Variants in KCNQ1 observed in about 807,000 individuals in gnomAD.
KCNQ1 encodes potassium voltage-gated channel subfamily Q member 1, also known as potassium voltage-gated channel subfamily KQT member 1.
In KCNQ1, 49 loss-of-function variants were observed where a neutral mutation model predicts 72.4. That is an observed-to-expected ratio of 0.68 (90% CI 0.54 to 0.86). The LOEUF is 0.86. Ranked by LOEUF, KCNQ1 falls within the 40% of genes least tolerant of loss-of-function variation. KCNQ1 has a pLI of 0.00. For synonymous variants in KCNQ1, 450 were observed against 412.6 expected (o/e 1.09, Z -1.10); for missense variants, 790 against 945.1 (o/e 0.84, Z 2.15).
At chr11:2,610,553 G>A in intron 10 of KCNQ1, 1 of 398,222 alleles carries the variant, frequency 2.5e-6, no homozygotes, top group Non-Finnish European at 4.4e-6. Context: ...TTGGATATAT[G>A]TGAACTTCCT....
Position 2,603,209 on chromosome 11 carries a change from G to A in KCNQ1, c.1393+14355G>A, listed in dbSNP as rs1021983895. On this transcript the variant is annotated intron_variant, in intron 10 of 15. Coordinates refer to ENST00000155840, the MANE Select transcript of KCNQ1 (RefSeq NM_000218.3). The surrounding 1 kb of genome is among the most constrained non-coding windows in gnomAD (Gnocchi z 4.1). ...GTTTGCCACTGCATATAAAAGTTAT[G>A]TTTATATTGTAGTCTATTAAGTGTG... Among the ~76,000 whole-genome samples, 4 of 152,154 alleles carry A rather than the reference G, an allele frequency of 2.6e-5. No homozygotes were observed. The highest frequency in any genetic ancestry group is 5.9e-5 in the Non-Finnish European group (4 of 68,026).
In KCNQ1 at chr11:2,783,942, GCTGT is replaced by G. The variant is rs992015202; in HGVS notation, c.1794+5908_1794+5911del. Among the ~76,000 whole-genome samples, 1 of 151,882 alleles carries G rather than the reference GCTGT, an allele frequency of 6.6e-6. No homozygotes were observed. Among genetic ancestry groups the G allele is most frequent in the Non-Finnish European group, 1.5e-5 (1 of 67,862 alleles). ...TGCAAATATTTTCTCCCATTCTGTG[GCTGT>G]CTTTTCATTTCCTTAATCACATCTT... On this transcript the variant is annotated intron_variant, in intron 15 of 15. Coordinates refer to ENST00000155840, the MANE Select transcript of KCNQ1 (RefSeq NM_000218.3). The surrounding 1 kb of genome is among the most constrained non-coding windows in gnomAD (Gnocchi z 5.2).
chr11:2,648,465 T>C (rs759417391), intron 10 of KCNQ1: 2 of 398,534 alleles, frequency 5.0e-6, no homozygotes, highest in Non-Finnish European at 8.8e-6. Context: ...TTTTGTATGC[T>C]GTGTTTCTAT....
chr11:2,790,564 G>A (rs1032678376), intron 15 of KCNQ1, among the ~76,000 whole-genome samples: 4 of 152,152 alleles, frequency 2.6e-5, no homozygotes, highest in African/African-American at 9.7e-5. Flanking sequence ...CAGGGCAAAA[G>A]CCTGACCTCC....
At position 2,579,329 on chromosome 11, in the gene KCNQ1, G is replaced by A. The variant is rs1344739448; in HGVS notation, c.922-4106G>A. ...TGAAGGCACAGGCCAGCAGGAGGGC[G>A]GGGGAAACACACTGACCAGTGGGGT... On this transcript the variant is annotated intron_variant, in intron 6 of 15. Transcript: ENST00000155840. The surrounding 1 kb of genome is among the most constrained non-coding windows in gnomAD (Gnocchi z 6.0). 3.3e-5 allele frequency among the ~76,000 whole-genome samples: 5 copies of A among 152,246 alleles called. No individual in the cohort carries two copies. Among genetic ancestry groups the A allele is most frequent in the African/African-American group, 1.2e-4 (5 of 41,548 alleles).
chr11:2,811,587 G>C (rs1198396308), intron 15 of KCNQ1, among the ~76,000 whole-genome samples: 1 of 152,242 alleles, frequency 6.6e-6, no homozygotes, highest in Non-Finnish European at 1.5e-5. Context: ...CGAGCGTCAG[G>C]GTGGCTGGCA....
At position 2,544,260 on chromosome 11, in the gene KCNQ1, G is replaced by GTATATATA. The variant is rs58881224; in HGVS notation, c.477+16243_477+16244insATATATAT. On this transcript the variant is annotated intron_variant, in intron 2 of 15. Coordinates refer to ENST00000155840, the MANE Select transcript of KCNQ1 (RefSeq NM_000218.3). The surrounding 1 kb of genome is among the most constrained non-coding windows in gnomAD (Gnocchi z 4.4). ...TATGTGTGTGTGTGTATATATATAT[G>GTATATATA]TGTGTGTGTGTATATATATGTGTAT... is the stretch of plus-strand genomic sequence containing the variant. Among the ~76,000 whole-genome samples, 201 of 110,856 alleles carry GTATATATA rather than the reference G, an allele frequency of 1.8e-3. 7 individuals are homozygous for GTATATATA. Among genetic ancestry groups the GTATATATA allele is most frequent in the African/African-American group, 8.8e-3 (185 of 21,064 alleles). 72.7% of individuals were successfully genotyped at this position (110,856 alleles called of 152,430 possible). A position where few individuals can be genotyped will look rare whatever the true frequency, so the allele number is the denominator to read the frequency against.
At position 2,661,732 on chromosome 11, in the gene KCNQ1, A is replaced by G. The variant is rs1265753647; in HGVS notation, c.1394-229A>G. 12 of 618,154 alleles carry G rather than the reference A, an allele frequency of 1.9e-5. No individual in the cohort carries two copies. Among genetic ancestry groups the G allele is most frequent in the East Asian group, 1.1e-4 (4 of 36,586 alleles). 38.3% of individuals were successfully genotyped at this position (618,154 alleles called of 1,614,324 possible). ...CCCAGGCACAGTTACCACTCCGAAG[A>G]TGATTCACTGGCCTTTATTCTCCTC... On this transcript the variant is annotated intron_variant, in intron 10 of 15. Transcript: ENST00000155840. The surrounding 1 kb of genome is among the most constrained non-coding windows in gnomAD (Gnocchi z 5.9).
At position 2,536,189 on chromosome 11, in the gene KCNQ1, G is replaced by A. The variant is rs552069785; in HGVS notation, c.477+8171G>A. 1.2e-4 allele frequency among the ~76,000 whole-genome samples: 19 copies of A among 152,366 alleles called. 1 individual carries two copies. The South Asian group carries it at 3.1e-3, about 25-fold the overall frequency. On this transcript the variant is annotated intron_variant, in intron 2 of 15. Transcript: ENST00000155840. The surrounding 1 kb of genome is among the most constrained non-coding windows in gnomAD (Gnocchi z 7.4). The stretch of plus-strand genomic sequence containing the variant: ...AGCTCAGGCTCAGGGCAGCAGGGGC[G>A]CTCAGCTGGGCCGCGGCTCCACGGT...
intron 11 of KCNQ1, among the ~76,000 whole-genome samples, chr11:2,747,519 A>G (rs1439873810): frequency 6.6e-6 from 1 of 152,090 alleles, no homozygotes; most frequent in East Asian, 1.9e-4. Flanking sequence ...CCACTGATCT[A>G]TTCTTGTTCA....
rs1332124958 is a variant in KCNQ1, at chr11:2,498,196, C to T, written c.387-29732C>T. 1.3e-5 allele frequency among the ~76,000 whole-genome samples: 2 copies of T among 152,214 alleles called. No individual in the cohort carries two copies. The highest frequency in any genetic ancestry group is 2.9e-5 in the Non-Finnish European group (2 of 68,028). On this transcript the variant is annotated intron_variant, in intron 1 of 15. Transcript: ENST00000155840. This position sits in a 1 kb window ranked among gnomAD's most constrained non-coding sequence, Gnocchi z 4.8. The stretch of plus-strand genomic sequence containing the variant: ...AGTCTGTCCCTTAGCAGAGCTCATG[C>T]ACTGTGCTGCGAGAATCCCCCTTGT...
rs34219164 is a variant in KCNQ1 at position 2,674,832 on chromosome 11, T to TAAA, written c.1514+12777_1514+12779dup. On this transcript the variant is annotated intron_variant, in intron 11 of 15. Coordinates refer to ENST00000155840, the MANE Select transcript of KCNQ1 (RefSeq NM_000218.3). This position sits in a 1 kb window ranked among gnomAD's most constrained non-coding sequence, Gnocchi z 5.9. The stretch of plus-strand genomic sequence containing the variant: ...GCTTGTCACCCTAATAGCTGTTTTT[T>TAAA]AAAAAAAAAAAAAAAAAAAAAAAAA... The TAAA allele has an allele frequency of 4.2e-4, 126 of 303,332 alleles. No individual in the cohort carries two copies. Among genetic ancestry groups the TAAA allele is most frequent in the East Asian group, 9.2e-4 (19 of 20,740 alleles). The allele number at this position is 303,332 out of a possible 1,614,324, so 18.8% of individuals were successfully genotyped here. A position where few individuals can be genotyped will look rare whatever the true frequency, so the allele number is the denominator to read the frequency against.
In KCNQ1 at chr11:2,723,815, C is replaced by T. The variant is rs1181576336; in HGVS notation, c.1515-45029C>T. ...CCACTCGGTGCACATGTACTCCAGC[C>T]TCTCTGTGTCCCATTTGCTCATGAC... On this transcript the variant is annotated intron_variant, in intron 11 of 15. Transcript: ENST00000155840. This position sits in a 1 kb window ranked among gnomAD's most constrained non-coding sequence, Gnocchi z 4.2. 6.6e-6 allele frequency among the ~76,000 whole-genome samples: 1 copy of T among 152,224 alleles called. No homozygotes were observed.
chr11:2,597,722 T>C (rs1201552895), intron 10 of KCNQ1, among the ~76,000 whole-genome samples: 1 of 152,258 alleles, frequency 6.6e-6, no homozygotes, highest in African/African-American at 2.4e-5. Context: ...CATCTGGGCC[T>C]GATACATGTT....
rs558507741 is a variant in KCNQ1, at chr11:2,778,047, C to A, written c.1794+10C>A. 7.4e-6 allele frequency: 12 copies of A among 1,613,052 alleles called. No homozygotes were observed. The highest frequency in any genetic ancestry group is 1.3e-5 in the African/African-American group (1 of 74,920). ...CCGAGTAGAAGACAAGGTAGGCTCA[C>A]GCGCCGGCCTGCGGTGGTTCTGGTT... On this transcript the variant is annotated intron_variant, in intron 15 of 15. Coordinates refer to ENST00000155840, the MANE Select transcript of KCNQ1 (RefSeq NM_000218.3).
At chr11:2,618,467 T>G (rs1448447109) in intron 10 of KCNQ1, 2 of 398,514 alleles carry the variant, frequency 5.0e-6, no homozygotes, top group Non-Finnish European at 8.8e-6. Flanking sequence ...ACTATCTTTC[T>G]GCATTGTTTT....
chr11:2,452,044 G>A (rs980595622), intron 1 of KCNQ1, among the ~76,000 whole-genome samples: 2 of 152,208 alleles, frequency 1.3e-5, no homozygotes, highest in African/African-American at 4.8e-5. Context: ...CAAAGCCTTG[G>A]TCTGTGCCTG....
intron 2 of KCNQ1, among the ~76,000 whole-genome samples, chr11:2,568,431 C>T (rs1267721431): frequency 6.6e-6 from 1 of 152,240 alleles, no homozygotes; most frequent in Non-Finnish European, 1.5e-5. Context: ...GAGCCGGCCT[C>T]TGTGCCGTCA....
rs371395407 is a variant in KCNQ1 at position 2,723,426 on chromosome 11, G to C, written c.1515-45418G>C. On this transcript the variant is annotated intron_variant, in intron 11 of 15. Coordinates refer to ENST00000155840, the MANE Select transcript of KCNQ1 (RefSeq NM_000218.3). This position sits in a 1 kb window ranked among gnomAD's most constrained non-coding sequence, Gnocchi z 4.2. ...GTGACAATACCCTTCTTGCTGAATG[G>C]GCAGGGAGAGAGGAGCTGTTAGGTG... Among the ~76,000 whole-genome samples the C allele has an allele frequency of 1.3e-5, 2 of 152,346 alleles. No homozygotes were observed. The highest frequency in any genetic ancestry group is 6.5e-5 in the Admixed American group (1 of 15,308).
Sources: gnomAD v4.1 joint callset for allele counts (sites outside exome capture counted in the v4.1 genomes callset) on GRCh38, gnomAD v4.1.1 for gene constraint, Gnocchi (gnomAD v3.1) non-coding constraint, MANE v1.5 for transcripts, NCBI Gene and HGNC (gene_info 2026-07-23, HGNC 2026-07-21) for gene names.